LGR5: variants seen among roughly 807,000 people sequenced by gnomAD.
LGR5 encodes the protein leucine-rich repeat-containing G protein-coupled receptor 5.
Under a neutral mutation model 76.7 loss-of-function variants are expected in LGR5, and 54 were observed. The observed-to-expected ratio is 0.70, with a 90% confidence interval of 0.57 to 0.88. LGR5 has a LOEUF of 0.88. Among genes scored for constraint, LGR5 ranks in the 40% least tolerant of loss-of-function variants. The probability of loss-of-function intolerance (pLI) is 0.00; values close to 1 mark genes in which losing one functional copy is unlikely to be tolerated. For missense variants in LGR5, 1,078 were observed against 1,073.3 expected (o/e 1.00, Z -0.06); for synonymous variants, 406 against 421.9 (o/e 0.96, Z 0.46).
At chr12:71,499,160 A>G (rs1269822028) in intron 1 of LGR5, among the ~76,000 whole-genome samples, 1 of 152,230 alleles carries the variant, frequency 6.6e-6, no homozygotes, top group African/African-American at 2.4e-5. Flanking sequence ...AAAACAAAAG[A>G]CAGGGGCTAG....
At chr12:71,468,709 CTTTTT>C (rs538254378) in intron 1 of LGR5, among the ~76,000 whole-genome samples, 2 of 70,074 alleles carry the variant, frequency 2.9e-5, no homozygotes, top group African/African-American at 5.9e-5. Context: ...GTGGTAGCCT[CTTTTT>C]TTTTTTTTTT....
At chr12:71,574,259 C>G (rs1057121490) in intron 13 of LGR5, among the ~76,000 whole-genome samples, 4 of 137,502 alleles carry the variant, frequency 2.9e-5, no homozygotes, top group African/African-American at 1.1e-4. Flanking sequence ...GCCGAGATCA[C>G]GCCATTGCAT....
chr12:71,447,924 G>A (rs1304405420), intron 1 of LGR5, among the ~76,000 whole-genome samples: 1 of 152,182 alleles, frequency 6.6e-6, no homozygotes, highest in African/African-American at 2.4e-5. Flanking sequence ...AGCCTGCCAG[G>A]CGAAATTAAG....
rs369629768 is a variant in LGR5 at position 71,440,328 on chromosome 12, T to G, written c.212+36T>G. On this transcript the variant is annotated intron_variant, in intron 1 of 17. Coordinates refer to ENST00000266674, the MANE Select transcript of LGR5 (RefSeq NM_003667.4). The surrounding 1 kb of genome is among the most constrained non-coding windows in gnomAD (Gnocchi z 5.3). ...CCCCACGTCACTCCGGGAGAGAGACTAAGAGGGGAAGGAAGGTTCGTCCAA... is the reference window on the plus strand; with the variant it reads ...CCCCACGTCACTCCGGGAGAGAGACGAAGAGGGGAAGGAAGGTTCGTCCAA... The G allele has an allele frequency of 5.1e-6, 8 of 1,580,702 alleles. No individual in the cohort carries two copies. Among genetic ancestry groups the G allele is most frequent in the Non-Finnish European group, 6.9e-6 (8 of 1,160,062 alleles).
At chr12:71,547,951 A>G (rs545677443) in intron 4 of LGR5, among the ~76,000 whole-genome samples, 55 of 151,614 alleles carry the variant, frequency 3.6e-4, no homozygotes, top group Non-Finnish European at 6.8e-4. Flanking sequence ...AATTATATAT[A>G]CTATATACTA....
intron 1 of LGR5, among the ~76,000 whole-genome samples, chr12:71,444,392 T>C (rs553081722): frequency 1.3e-5 from 2 of 152,226 alleles, no homozygotes; most frequent in African/African-American, 4.8e-5. Flanking sequence ...GGGTGAATTA[T>C]TAAAACTAAC....
intron 1 of LGR5, among the ~76,000 whole-genome samples, chr12:71,476,114 G>A (rs770365321): frequency 6.6e-6 from 1 of 152,062 alleles, no homozygotes; most frequent in Non-Finnish European, 1.5e-5. Flanking sequence ...ATTAATAGGT[G>A]GACAGTAAAT....
chr12:71,460,111 A>C (rs967142025), intron 1 of LGR5, among the ~76,000 whole-genome samples: 9 of 152,064 alleles, frequency 5.9e-5, no homozygotes, highest in Non-Finnish European at 1.2e-4. Flanking sequence ...GCTCTTGAAG[A>C]ATGGGGAGGT....
At chr12:71,541,282 T>C (rs550223911) in intron 4 of LGR5, among the ~76,000 whole-genome samples, 8 of 152,358 alleles carry the variant, frequency 5.3e-5, no homozygotes, top group South Asian at 2.1e-4. Flanking sequence ...GTGAATACTT[T>C]ATGCAATAGC....
chr12:71,582,266 T>C (rs898154121), intron 16 of LGR5, 190 bp from the exon 17 acceptor site: 2 of 540,562 alleles, frequency 3.7e-6, no homozygotes, highest in Non-Finnish European at 6.7e-6. Flanking sequence ...CCAGTTGTAC[T>C]AGAATAGTAT....
intron 4 of LGR5, among the ~76,000 whole-genome samples, chr12:71,535,780 A>G (rs1876554826): frequency 1.3e-5 from 2 of 152,196 alleles, no homozygotes; most frequent in African/African-American, 4.8e-5. Flanking sequence ...AGATTCACAC[A>G]CCACACACAG....
chr12:71,495,120 A>T (rs932938225), intron 1 of LGR5, among the ~76,000 whole-genome samples: 1 of 151,036 alleles, frequency 6.6e-6, no homozygotes, highest in Admixed American at 6.6e-5. Flanking sequence ...CACCAAACTT[A>T]AAGAAAATCT....
chr12:71,527,786 C>G (rs1353377976), intron 3 of LGR5, among the ~76,000 whole-genome samples: 1 of 152,160 alleles, frequency 6.6e-6, no homozygotes, highest in South Asian at 2.1e-4. Context: ...CAAACCATAA[C>G]AGCATTAGAA....
At chr12:71,513,407 G>A (rs1875268558) in intron 2 of LGR5, among the ~76,000 whole-genome samples, 1 of 152,122 alleles carries the variant, frequency 6.6e-6, no homozygotes, top group Admixed American at 6.5e-5. Context: ...TCCTGTTTTA[G>A]GTCAGGGTTG....
intron 1 of LGR5, among the ~76,000 whole-genome samples, chr12:71,478,034 C>T (rs889838829): frequency 6.6e-6 from 1 of 152,048 alleles, no homozygotes; most frequent in African/African-American, 2.4e-5. Flanking sequence ...TTGAGATATC[C>T]TCATTTTTTT....
chr12:71,483,951 G>T (rs1873720206), intron 1 of LGR5, among the ~76,000 whole-genome samples: 1 of 152,118 alleles, frequency 6.6e-6, no homozygotes, highest in African/African-American at 2.4e-5. Flanking sequence ...AGAGTATGGA[G>T]ATGTATTAAT....
intron 4 of LGR5, among the ~76,000 whole-genome samples, chr12:71,541,611 G>A (rs889162789): frequency 2.4e-4 from 37 of 152,178 alleles, no homozygotes; most frequent in African/African-American, 8.9e-4. Context: ...ATCAGAATGT[G>A]GAATTGAATG....
intron 1 of LGR5, among the ~76,000 whole-genome samples, chr12:71,460,527 T>C (rs1280929753): frequency 6.6e-6 from 1 of 152,180 alleles, no homozygotes; most frequent in Non-Finnish European, 1.5e-5. Flanking sequence ...TGTCTTCTAC[T>C]ATCTGTTATA....
At chr12:71,580,508 C>A in intron 16 of LGR5, 85 bp downstream of exon 16, 1 of 1,409,194 alleles carries the variant, frequency 7.1e-7, no homozygotes, top group Non-Finnish European at 9.8e-7. Flanking sequence ...GAAAAGTCAT[C>A]GAACAGGCCG....
Sources: gnomAD v4.1 joint callset for allele counts (sites outside exome capture counted in the v4.1 genomes callset) on GRCh38, gnomAD v4.1.1 for gene constraint, Gnocchi (gnomAD v3.1) non-coding constraint, MANE v1.5 for transcripts, NCBI Gene and HGNC (gene_info 2026-07-23, HGNC 2026-07-21) for gene names.